ADAMTS6: variants seen among roughly 807,000 people sequenced by gnomAD.
ADAMTS6 encodes the protein A disintegrin and metalloproteinase with thrombospondin motifs 6.
ADAMTS6 carries 23 observed loss-of-function variants against 144.3 expected under a neutral mutation model. That is an observed-to-expected ratio of 0.16 (90% CI 0.11 to 0.23). The LOEUF (loss-of-function observed/expected upper bound fraction) is 0.23, where lower values mean the gene tolerates loss of function less well. Ranked by LOEUF, ADAMTS6 falls within the 10% of genes least tolerant of loss-of-function variation. The probability of loss-of-function intolerance (pLI) is 1.00; values close to 1 mark genes in which losing one functional copy is unlikely to be tolerated. For missense variants in ADAMTS6, 999 were observed against 1,379.6 expected (o/e 0.72, Z 4.37); for synonymous variants, 444 against 457.5 (o/e 0.97, Z 0.38).
chr5:65,460,093 C>G lies in ADAMTS6; in HGVS notation c.631+77G>C, dbSNP rs924583957. 27 of 1,482,804 alleles carry G rather than the reference C, an allele frequency of 1.8e-5. No individual in the cohort carries two copies. In the African/African-American group the frequency reaches 3.7e-4, roughly 20 times the overall value. 91.9% of individuals were successfully genotyped at this position (1,482,804 alleles called of 1,614,324 possible). A position where few individuals can be genotyped will look rare whatever the true frequency, so the allele number is the denominator to read the frequency against. ...ACTCCTACTTCCTTTTATTGCTAAC[C>G]TTACTATACTTGCCAGAAGAAAGAA... On this transcript the variant is annotated intron_variant, in intron 4 of 24. Transcript: ENST00000381055.
At chr5:65,322,447 G>A (rs1360253978) in intron 9 of ADAMTS6, among the ~76,000 whole-genome samples, 5 of 152,032 alleles carry the variant, frequency 3.3e-5, no homozygotes, top group South Asian at 2.1e-4. Flanking sequence ...CACTGAATCT[G>A]TAAATTTACA....
intron 14 of ADAMTS6, among the ~76,000 whole-genome samples, chr5:65,254,493 A>T (rs1463049795): frequency 6.6e-6 from 1 of 152,226 alleles, no homozygotes. Context: ...TTGAAAAAAT[A>T]AGGAAAGCTT....
At chr5:65,234,387 T>C (rs559050908) in intron 15 of ADAMTS6, among the ~76,000 whole-genome samples, 1 of 134,202 alleles carries the variant, frequency 7.5e-6, no homozygotes, top group African/African-American at 2.8e-5. Context: ...TATAAGGAAC[T>C]CATACAACTC....
At chr5:65,304,057 T>G (rs1239951190) in intron 9 of ADAMTS6, among the ~76,000 whole-genome samples, 1 of 152,212 alleles carries the variant, frequency 6.6e-6, no homozygotes. Context: ...AATCCTGAGT[T>G]TTATTTCAAT....
At chr5:65,188,971 G>C (rs542616031) in intron 21 of ADAMTS6, among the ~76,000 whole-genome samples, 5 of 152,320 alleles carry the variant, frequency 3.3e-5, no homozygotes, top group East Asian at 3.9e-4. Context: ...CAAGGACAGA[G>C]AAGACCAGGT....
At chr5:65,269,012 G>C (rs1042019664) in intron 12 of ADAMTS6, among the ~76,000 whole-genome samples, 22 of 138,394 alleles carry the variant, frequency 1.6e-4, no homozygotes, top group Admixed American at 1.2e-3. Flanking sequence ...CTTCTGGTGA[G>C]AGTAGTTTTG....
chr5:65,262,741 TAAC>T, intron 13 of ADAMTS6, 73 bp downstream of exon 13: 1 of 1,418,710 alleles, frequency 7.0e-7, no homozygotes, highest in Non-Finnish European at 9.2e-7. Flanking sequence ...TTTTTACAGA[TAAC>T]ATGTGAAACC....
chr5:65,248,974 T>C (rs1759899625), intron 14 of ADAMTS6, among the ~76,000 whole-genome samples: 1 of 152,008 alleles, frequency 6.6e-6, no homozygotes, highest in Non-Finnish European at 1.5e-5. Flanking sequence ...AAAATTCATA[T>C]TAAGAAAGAT....
chr5:65,193,059 A>G (rs975892658), intron 21 of ADAMTS6, among the ~76,000 whole-genome samples: 1 of 152,060 alleles, frequency 6.6e-6, no homozygotes, highest in African/African-American at 2.4e-5. Context: ...GTGATTGAAA[A>G]TAAGTATAGA....
chr5:65,273,581 A>G, intron 11 of ADAMTS6, 134 bp from the exon 12 acceptor site: 1 of 573,186 alleles, frequency 1.7e-6, no homozygotes. Context: ...ATCGCAGTTG[A>G]GGATTTTGGA....
At chr5:65,153,886 C>G (rs1342080883) in intron 24 of ADAMTS6, among the ~76,000 whole-genome samples, 1 of 152,118 alleles carries the variant, frequency 6.6e-6, no homozygotes, top group Non-Finnish European at 1.5e-5. Context: ...CTCCCTTCAC[C>G]TGCCTACCCA....
rs140971842 is a variant in ADAMTS6 at position 65,378,652 on chromosome 5, A to G, written c.1074-44567T>C. ...AAGCAACATCCAAAGCTAACCCCAA[A>G]CATACTTCTTCTAAATAACCTTTCT... On this transcript the variant is annotated intron_variant, in intron 7 of 24. Coordinates refer to ENST00000381055, the MANE Select transcript of ADAMTS6 (RefSeq NM_197941.4). Among the ~76,000 whole-genome samples the G allele has an allele frequency of 5.3e-3, 812 of 152,242 alleles. 8 individuals are homozygous for G. Among genetic ancestry groups the G allele is most frequent in the African/African-American group, 0.018 (764 of 41,538 alleles).
chr5:65,460,442 G>A, intron 3 of ADAMTS6, 104 bp from the exon 4 acceptor site: 2 of 1,038,758 alleles, frequency 1.9e-6, no homozygotes, highest in Middle Eastern at 3.2e-4. Context: ...TCCATTTACA[G>A]GGTTAAAACA....
intron 11 of ADAMTS6, among the ~76,000 whole-genome samples, chr5:65,280,362 C>T (rs1207465191): frequency 6.6e-6 from 1 of 152,136 alleles, no homozygotes; most frequent in African/African-American, 2.4e-5. Context: ...ACAAATGATA[C>T]AAAAGATGTG....
intron 20 of ADAMTS6, among the ~76,000 whole-genome samples, chr5:65,198,374 G>A (rs1755523564): frequency 6.6e-6 from 1 of 151,704 alleles, no homozygotes; most frequent in Admixed American, 6.6e-5. Context: ...AAAAAACAGT[G>A]TGATCACAAA....
intron 7 of ADAMTS6, among the ~76,000 whole-genome samples, chr5:65,436,702 A>AAAAACAAC (rs1554090803): frequency 6.6e-6 from 1 of 151,056 alleles, no homozygotes; most frequent in African/African-American, 2.4e-5. Flanking sequence ...CAAAAAACAA[A>AAAAACAAC]AAACAACTAG....
At position 65,235,150 on chromosome 5, in the gene ADAMTS6, T is replaced by C. The variant is rs577081972; in HGVS notation, c.1933+6954A>G. On this transcript the variant is annotated intron_variant, in intron 15 of 24. Transcript: ENST00000381055. The stretch of plus-strand genomic sequence containing the variant: ...GATCAGTTCTAGAGATCTAATATAG[T>C]ATAGTTAAGAATAATGTATAGTATA... Among the ~76,000 whole-genome samples the C allele has an allele frequency of 3.3e-5, 5 of 152,244 alleles. No homozygotes were observed. In the South Asian group the frequency reaches 1.0e-3, roughly 32 times the overall value.
chr5:65,215,386 G>T lies in ADAMTS6; in HGVS notation c.2374C>A (p.Pro792Thr). 1 of 1,614,028 alleles carries T rather than the reference G, an allele frequency of 6.2e-7. No homozygotes were observed. The highest frequency in any genetic ancestry group is 8.5e-7 in the Non-Finnish European group (1 of 1,179,956). The change falls in exon 19 of 25, where the codon CCA becomes ACA. Residue 792 changes from proline (P) to threonine (T), a missense_variant. Pro to Thr is a conservative substitution (Grantham distance 38, BLOSUM62 -1). Around this residue, in one of 3 missense-constraint regions of ADAMTS6, gnomAD observed 619 missense variants for 837.0 expected, o/e 0.74. Transcript: ENST00000381055. ...TCCAAGGATTCTGGTTCATCAGTTG[G>T]TCTCTTGTAATGAAAAGCTGTCCCA... Reference protein sequence around the residue: ...VAGTAFHYKRPTDEPESLEAL... With the variant: ...VAGTAFHYKRTTDEPESLEAL...
chr5:65,294,675 C>G (rs1742658059), intron 10 of ADAMTS6, among the ~76,000 whole-genome samples: 1 of 151,924 alleles, frequency 6.6e-6, no homozygotes, highest in African/African-American at 2.4e-5. Context: ...ATTTTCATGC[C>G]TCTGAGTCAT....
Sources: gnomAD v4.1 joint callset for allele counts (sites outside exome capture counted in the v4.1 genomes callset) on GRCh38, gnomAD v4.1.1 for gene constraint, gnomAD v4.1.1 regional missense constraint, MANE v1.5 for transcripts, NCBI Gene and HGNC (gene_info 2026-07-23, HGNC 2026-07-21) for gene names.